Variants in LRBA observed in about 807,000 individuals in gnomAD.
LRBA encodes LPS responsive beige-like anchor protein.
Under a neutral mutation model 330.0 loss-of-function variants are expected in LRBA, and 176 were observed. That is an observed-to-expected ratio of 0.53 (90% CI 0.47 to 0.60). The LOEUF is 0.60. Ranked by LOEUF, LRBA falls within the 20% of genes least tolerant of loss-of-function variation. The pLI, the probability that LRBA is intolerant of heterozygous loss-of-function variation, is 0.00. For synonymous variants in LRBA, 1,230 were observed against 1,193.0 expected (o/e 1.03, Z -0.64); for missense variants, 3,259 against 3,444.8 (o/e 0.95, Z 1.35).
rs539459518 is a variant in LRBA at position 150,435,351 on chromosome 4, C to CAAAACA, written c.7041+232_7041+237dup. ...GAAGGACAGAGCAAGACTCTGTCTC[C>CAAAACA]AAAACAAAAACAAAAACAAAAACAA... is the stretch of plus-strand genomic sequence containing the variant. On this transcript the variant is annotated intron_variant, in intron 46 of 56. Transcript: ENST00000651943. Among the ~76,000 whole-genome samples, 625 of 151,542 alleles carry CAAAACA rather than the reference C, an allele frequency of 4.1e-3. 3 individuals are homozygous for CAAAACA. Among genetic ancestry groups the CAAAACA allele is most frequent in the African/African-American group, 0.014 (564 of 41,272 alleles).
intron 22 of LRBA, among the ~76,000 whole-genome samples, chr4:150,858,828 G>C (rs1751540778): frequency 6.6e-6 from 1 of 152,004 alleles, no homozygotes; most frequent in South Asian, 2.1e-4. Context: ...AGCCAATTTT[G>C]TAACTTTTGA....
intron 31 of LRBA, among the ~76,000 whole-genome samples, chr4:150,810,751 GCCA>G (rs1430460076): frequency 6.6e-6 from 1 of 152,038 alleles, no homozygotes; most frequent in Non-Finnish European, 1.5e-5. Flanking sequence ...ATAGGTGGAT[GCCA>G]CCACACCTGG....
chr4:150,842,917 G>C (rs1382060888), intron 28 of LRBA, among the ~76,000 whole-genome samples: 1 of 152,076 alleles, frequency 6.6e-6, no homozygotes, highest in Non-Finnish European at 1.5e-5. Context: ...AGGCGGGGTG[G>C]GGGTAGGGGG....
At chr4:150,892,251 T>C (rs573459363) in intron 17 of LRBA, among the ~76,000 whole-genome samples, 90 of 152,252 alleles carry the variant, frequency 5.9e-4, no homozygotes, top group Non-Finnish European at 1.2e-3. Flanking sequence ...AGAGGTATTC[T>C]GTTTTTGTTG....
intron 37 of LRBA, among the ~76,000 whole-genome samples, chr4:150,620,460 T>C (rs950074772): frequency 1.3e-5 from 2 of 152,196 alleles, no homozygotes; most frequent in African/African-American, 2.4e-5. Context: ...ACTGGGTATC[T>C]ATCTGAAGGG....
At chr4:150,503,173 A>C (rs1760530030) in intron 40 of LRBA, among the ~76,000 whole-genome samples, 1 of 152,206 alleles carries the variant, frequency 6.6e-6, no homozygotes, top group African/African-American at 2.4e-5. Context: ...TGCAGACTTA[A>C]ATGTCCCTGT....
chr4:150,591,587 T>C (rs765624745), intron 38 of LRBA, among the ~76,000 whole-genome samples: 3 of 152,112 alleles, frequency 2.0e-5, no homozygotes, highest in Non-Finnish European at 4.4e-5. Context: ...TCTGCATGTT[T>C]AAACTAAAGG....
intron 44 of LRBA, among the ~76,000 whole-genome samples, chr4:150,449,064 T>C (rs994884961): frequency 7.9e-5 from 12 of 152,058 alleles, no homozygotes; most frequent in South Asian, 2.1e-4. Flanking sequence ...TTACTGGGAA[T>C]GGCAACAAAA....
chr4:150,452,485 G>A (rs942824253), intron 44 of LRBA, among the ~76,000 whole-genome samples: 31 of 152,058 alleles, frequency 2.0e-4, no homozygotes, highest in South Asian at 4.2e-4. Flanking sequence ...AGCCGCGTGC[G>A]GTGGTGTGCA....
At chr4:150,332,004 GATAAT>G (rs1430133916) in intron 48 of LRBA, among the ~76,000 whole-genome samples, 1 of 152,104 alleles carries the variant, frequency 6.6e-6, no homozygotes, top group Admixed American at 6.5e-5. Flanking sequence ...GATTAAATGA[GATAAT>G]ATAAAGCACT....
chr4:150,911,543 C>T (rs190841641), intron 9 of LRBA, among the ~76,000 whole-genome samples: 68 of 152,204 alleles, frequency 4.5e-4, no homozygotes, highest in African/African-American at 1.6e-3. Flanking sequence ...AGAAATAAAT[C>T]GTAATTTGAC....
At chr4:150,424,752 G>A (rs1749332585) in intron 46 of LRBA, among the ~76,000 whole-genome samples, 1 of 152,222 alleles carries the variant, frequency 6.6e-6, no homozygotes, top group Non-Finnish European at 1.5e-5. Context: ...CACAGACATG[G>A]GAAGAACATG....
chr4:150,703,190 A>AT (rs765370935), intron 36 of LRBA, among the ~76,000 whole-genome samples: 7 of 152,218 alleles, frequency 4.6e-5, no homozygotes, highest in Non-Finnish European at 1.0e-4. Context: ...TTGCCTTTAT[A>AT]CATCATTAAA....
intron 4 of LRBA, among the ~76,000 whole-genome samples, chr4:150,925,851 G>A (rs976780790): frequency 3.3e-5 from 5 of 152,046 alleles, no homozygotes; most frequent in African/African-American, 9.7e-5. Context: ...TTCTGGACAC[G>A]ACATATTAAT....
intron 22 of LRBA, among the ~76,000 whole-genome samples, chr4:150,853,371 A>G (rs920298010): frequency 1.3e-5 from 2 of 152,202 alleles, no homozygotes; most frequent in East Asian, 1.9e-4. Context: ...AAAAATATCA[A>G]TTAATTATGC....
At chr4:150,516,591 G>A (rs1762388318) in intron 40 of LRBA, among the ~76,000 whole-genome samples, 1 of 151,716 alleles carries the variant, frequency 6.6e-6, no homozygotes, top group Non-Finnish European at 1.5e-5. Flanking sequence ...ATAGAAAATG[G>A]ATAAAGAATA....
At chr4:150,273,228 G>C (rs565431372) in intron 56 of LRBA, among the ~76,000 whole-genome samples, 6 of 152,240 alleles carry the variant, frequency 3.9e-5, no homozygotes, top group Admixed American at 3.9e-4. Flanking sequence ...ATAAGCAAAG[G>C]AGAAATAAAA....
intron 47 of LRBA, among the ~76,000 whole-genome samples, chr4:150,394,671 A>C (rs546282892): frequency 4.6e-5 from 7 of 152,338 alleles, no homozygotes; most frequent in Non-Finnish European, 1.0e-4. Flanking sequence ...TGCTTTGTTT[A>C]AGCCTTAGAG....
intron 38 of LRBA, among the ~76,000 whole-genome samples, 173 bp from the exon 39 acceptor site, chr4:150,591,032 G>A (rs1298879783): frequency 6.6e-6 from 1 of 152,046 alleles, no homozygotes; most frequent in African/African-American, 2.4e-5. Flanking sequence ...TGACAAACTC[G>A]ATCCCCCAAC....
Sources: gnomAD v4.1 joint callset for allele counts (sites outside exome capture counted in the v4.1 genomes callset) on GRCh38, gnomAD v4.1.1 for gene constraint, MANE v1.5 for transcripts, NCBI Gene and HGNC (gene_info 2026-07-23, HGNC 2026-07-21) for gene names.